The following EIF3D variants were observed in gnomAD, a reference collection of about 807,000 sequenced individuals.
The protein encoded by EIF3D is eIF3 p66.
A neutral mutation model predicts 75.4 loss-of-function variants in EIF3D; 10 were observed. The ratio of observed to expected loss-of-function variants is 0.13; its 90% confidence interval spans 0.08 to 0.22. EIF3D has a LOEUF of 0.22. Ranked by LOEUF, EIF3D falls within the 10% of genes least tolerant of loss-of-function variation. EIF3D has a pLI of 1.00. For synonymous variants in EIF3D, 246 were observed against 248.3 expected (o/e 0.99, Z 0.09); for missense variants, 394 against 708.0 (o/e 0.56, Z 5.03).
intron 12 of EIF3D, 184 bp from the exon 13 acceptor site, chr22:36,512,786 G>A (rs867974285): frequency 1.6e-6 from 1 of 633,710 alleles, no homozygotes. Flanking sequence ...CCGCACAGCA[G>A]TCACTCAACG....
intron 7 of EIF3D, among the ~76,000 whole-genome samples, chr22:36,520,141 GC>G (rs1934489487): frequency 1.3e-5 from 2 of 151,324 alleles, no homozygotes; most frequent in Admixed American, 1.3e-4. Flanking sequence ...GTGAACTTCT[GC>G]TTTTCCCCTT....
intron 1 of EIF3D, among the ~76,000 whole-genome samples, chr22:36,527,718 A>C (rs918077015): frequency 6.6e-6 from 1 of 152,188 alleles, no homozygotes; most frequent in African/African-American, 2.4e-5. Context: ...GGGCACCTGT[A>C]ATACCAGCTA....
In EIF3D at chr22:36,523,291, C is replaced by CA; in HGVS notation, c.393-11dup. On this transcript the variant is annotated splice_polypyrimidine_tract_variant and intron_variant, in intron 5 of 14. Transcript: ENST00000216190. ...CAGTCGAATGCGTTCTCTGGAAAGA[C>CA]AGACATATGATCTCAGTGCAGACCT... is the stretch of plus-strand genomic sequence containing the variant. The CA allele has an allele frequency of 6.2e-7, 1 of 1,610,980 alleles. No individual in the cohort carries two copies. The highest frequency in any genetic ancestry group is 8.5e-7 in the Non-Finnish European group (1 of 1,177,930).
intron 10 of EIF3D, 141 bp downstream of exon 10, chr22:36,517,160 C>T: frequency 9.1e-7 from 1 of 1,104,642 alleles, no homozygotes; most frequent in Non-Finnish European, 1.3e-6. Context: ...CAAGCCCAGG[C>T]ATGTAACTCC....
chr22:36,516,820 G>A (rs1568999033), intron 10 of EIF3D, 30 bp from the exon 11 acceptor site: 1 of 1,605,916 alleles, frequency 6.2e-7, no homozygotes, highest in Non-Finnish European at 8.5e-7. Context: ...ACAAGACAGA[G>A]CTAACTTTGT....
intron 10 of EIF3D, 69 bp from the exon 11 acceptor site, chr22:36,516,859 C>G: frequency 2.1e-6 from 3 of 1,413,754 alleles, no homozygotes; most frequent in South Asian, 1.2e-5. Context: ...TCAGTCAGAC[C>G]CAGCACCTCT....
intron 8 of EIF3D, 124 bp from the exon 9 acceptor site, chr22:36,519,034 T>C (rs1934471165): frequency 2.3e-6 from 3 of 1,326,452 alleles, no homozygotes; most frequent in South Asian, 3.0e-5. Context: ...CCCACCTCAT[T>C]GACCAAAAAC....
At chr22:36,518,103 T>C (rs1411324451) in intron 9 of EIF3D, among the ~76,000 whole-genome samples, 1 of 152,076 alleles carries the variant, frequency 6.6e-6, no homozygotes, top group African/African-American at 2.4e-5. Context: ...TAAATACATA[T>C]ATGTATGGTA....
Position 36,525,713 on chromosome 22 carries a change from C to A in EIF3D, c.124-4G>T. On this transcript the variant is annotated splice_region_variant and splice_polypyrimidine_tract_variant and intron_variant, in intron 2 of 14. Coordinates refer to ENST00000216190, the MANE Select transcript of EIF3D (RefSeq NM_003753.4). ...TGGCTCCTGTCCAGTCTGCAACCTA[C>A]GAAGAACAAGAAAAGACAGAGAATG... 3 of 1,610,232 alleles carry A rather than the reference C, an allele frequency of 1.9e-6. No homozygotes were observed. In the South Asian group the frequency reaches 3.3e-5, roughly 18 times the overall value.
intron 1 of EIF3D, among the ~76,000 whole-genome samples, chr22:36,527,962 G>T (rs910639044): frequency 1.3e-5 from 2 of 152,208 alleles, no homozygotes; most frequent in Admixed American, 1.3e-4. Context: ...GATGAACCTA[G>T]AAGTTTCATC....
At chr22:36,518,622 T>C in intron 9 of EIF3D, 141 bp downstream of exon 9, 1 of 824,702 alleles carries the variant, frequency 1.2e-6, no homozygotes, top group Non-Finnish European at 1.7e-6. Flanking sequence ...CTCTAAAGAG[T>C]GTGGGAGATT....
chr22:36,511,384 C>T (rs1462146459), intron 14 of EIF3D, 119 bp downstream of exon 14: 6 of 1,525,830 alleles, frequency 3.9e-6, no homozygotes, highest in African/African-American at 2.7e-5. Context: ...CTTCTTCATA[C>T]TTAAGTCTCA....
intron 6 of EIF3D, 90 bp from the exon 7 acceptor site, chr22:36,520,778 G>T: frequency 1.2e-6 from 1 of 844,920 alleles, no homozygotes; most frequent in Non-Finnish European, 1.8e-6. Context: ...GAGCTGGCCT[G>T]GTGCAGTGGC....
At position 36,526,249 on chromosome 22, in the gene EIF3D, T is replaced by G; in HGVS notation, c.-10-118A>C. The G allele has an allele frequency of 1.8e-6, 2 of 1,128,090 alleles. 1 individual carries two copies. 69.9% of individuals were successfully genotyped at this position (1,128,090 alleles called of 1,614,324 possible). ...AGAACTCAAAAAGCAACACGCAAAA[T>G]GGAACCCTCAACTGTTGAGCGACTA... On this transcript the variant is annotated intron_variant, in intron 1 of 14. Transcript: ENST00000216190.
intron 3 of EIF3D, among the ~76,000 whole-genome samples, chr22:36,525,231 G>A (rs1934577323): frequency 7.0e-6 from 1 of 143,232 alleles, no homozygotes; most frequent in Non-Finnish European, 1.5e-5. Flanking sequence ...TTAAAACCAG[G>A]GGTTTTACTT....
chr22:36,524,805 T>C lies in EIF3D; in HGVS notation c.170-73A>G, dbSNP rs574186193. Reference sequence around the variant, plus strand: ...CCAGATATGCACCAGTCTAAAGCCTTGCTATTTCAAGTGTGGTCTTGAGAC... The same window carrying C: ...CCAGATATGCACCAGTCTAAAGCCTCGCTATTTCAAGTGTGGTCTTGAGAC... On this transcript the variant is annotated intron_variant, in intron 3 of 14. Coordinates refer to ENST00000216190, the MANE Select transcript of EIF3D (RefSeq NM_003753.4). The C allele has an allele frequency of 5.0e-6, 8 of 1,597,674 alleles. No individual in the cohort carries two copies. The East Asian group carries it at 1.8e-4, about 36-fold the overall frequency.
Position 36,516,530 on chromosome 22 carries a change from T to A in EIF3D, c.1154A>T (p.Asn385Ile), listed in dbSNP as rs1303387282. 8.7e-6 allele frequency: 14 copies of A among 1,614,184 alleles called. No individual in the cohort carries two copies. Among genetic ancestry groups the A allele is most frequent in the Non-Finnish European group, 1.2e-5 (14 of 1,180,014 alleles). Reference sequence around the variant, plus strand: ...GATGTTGATGAAGGACACTTCCCCGTTGGCTCCAGTCATGACGCCATCGTG... The same window carrying A: ...GATGTTGATGAAGGACACTTCCCCGATGGCTCCAGTCATGACGCCATCGTG... Reference protein sequence around the residue: ...CEHDGVMTGANGEVSFINIKT... With the variant: ...CEHDGVMTGAIGEVSFINIKT... Residue 385 changes from asparagine (N) to isoleucine (I), a missense_variant, in exon 12 of 15, where the codon AAC becomes ATC. Coordinates refer to ENST00000216190, the MANE Select transcript of EIF3D (RefSeq NM_003753.4).
chr22:36,519,611 C>CAGAAGTCTTATCCAAAAGTCTAAAAG, intron 7 of EIF3D, 74 bp from the exon 8 acceptor site: 1 of 1,590,978 alleles, frequency 6.3e-7, no homozygotes. Context: ...GCCATACATC[C>CAGAAGTCTTATCCAAAAGTCTAAAAG]AGAAGTCTTA....
intron 13 of EIF3D, 115 bp downstream of exon 13, chr22:36,512,345 C>A: frequency 6.9e-7 from 1 of 1,457,804 alleles, no homozygotes; most frequent in East Asian, 2.3e-5. Flanking sequence ...TACCCCACCC[C>A]TGGATTTATC....
Sources: gnomAD v4.1 joint callset for allele counts (sites outside exome capture counted in the v4.1 genomes callset) on GRCh38, gnomAD v4.1.1 for gene constraint, MANE v1.5 for transcripts, NCBI Gene and HGNC (gene_info 2026-07-23, HGNC 2026-07-21) for gene names.